Variants in TRPC5 observed in about 807,000 individuals in gnomAD.
TRPC5 encodes transient receptor potential cation channel subfamily C member 5.
Under a neutral mutation model 56.5 loss-of-function variants are expected in TRPC5, and 9 were observed. The observed-to-expected ratio is 0.16, with a 90% confidence interval of 0.10 to 0.28. The LOEUF (loss-of-function observed/expected upper bound fraction) is 0.28. TRPC5 is among the 10% of genes least tolerant of loss of function. The probability of loss-of-function intolerance (pLI) is 1.00; values close to 1 mark genes in which losing one functional copy is unlikely to be tolerated. For synonymous variants in TRPC5, 282 were observed against 278.5 expected, an observed-to-expected ratio of 1.01 and a Z score of -0.13; for missense variants, 469 against 748.9, an observed-to-expected ratio of 0.63 and a Z score of 4.36.
chrX:112,018,618 G>C (rs1195681021), intron 1 of TRPC5, among the ~76,000 whole-genome samples: 1 of 112,697 alleles, frequency 8.9e-6, no homozygotes, highest in Non-Finnish European at 1.9e-5. Context: ...GCCAGGCCTT[G>C]ATGGTTAAAA....
intron 2 of TRPC5, among the ~76,000 whole-genome samples, chrX:111,924,354 T>C (rs1926202202): frequency 1.8e-5 from 2 of 109,793 alleles, no homozygotes; most frequent in South Asian, 4.0e-4. Flanking sequence ...GGTCTAAGAG[T>C]GCAAAAGAAA....
At chrX:112,049,901 C>T (rs1026238471) in intron 1 of TRPC5, among the ~76,000 whole-genome samples, 21 of 112,026 alleles carry the variant, frequency 1.9e-4, no homozygotes, top group Non-Finnish European at 3.0e-4. Context: ...CTAGGCTGGG[C>T]GTGGTGGCTC....
At chrX:111,912,834 A>T in intron 2 of TRPC5, 22 bp from the exon 3 acceptor site, 9 of 1,180,141 alleles carry the variant, frequency 7.6e-6, no homozygotes, top group Non-Finnish European at 1.0e-5. Context: ...AAATGAGAAG[A>T]ATAGAAGGGC....
At position 111,768,278 on chromosome X, in the gene TRPC5, C is replaced by T. The variant is rs770166255; in HGVS notation, c.*8035G>A. 3.1e-4 allele frequency among the ~76,000 whole-genome samples: 35 copies of T among 112,060 alleles called. No individual in the cohort carries two copies. The highest frequency in any genetic ancestry group is 1.6e-3 in the Admixed American group (17 of 10,589). ...TATCATTTTAAACTGAAATTTGACA[C>T]ACTTTCTATATGGTGATATGTGGTT... On this transcript the variant is annotated 3_prime_UTR_variant, in exon 11 of 11. Transcript: ENST00000262839.
intron 3 of TRPC5, among the ~76,000 whole-genome samples, chrX:111,855,641 C>T (rs1923204614): frequency 8.9e-6 from 1 of 112,319 alleles, no homozygotes; most frequent in Non-Finnish European, 1.9e-5. Flanking sequence ...GTCATTTCCT[C>T]CAAACATGTT....
At position 111,776,867 on chromosome X, in the gene TRPC5, C is replaced by A; in HGVS notation, c.2368G>T (p.Ala790Ser). 8.3e-7 allele frequency: 1 copy of A among 1,211,483 alleles called. No individual in the cohort carries two copies. The highest frequency in any genetic ancestry group is 1.1e-6 in the Non-Finnish European group (1 of 895,414). ...GAGACACTCTTGGATTTGGCCCGAG[C>A]CCCACCACTGCCATCATTATTATCG... is the stretch of plus-strand genomic sequence containing the variant. ...RDDNNDGSGG[A>S]RAKSKSVSFN... Residue 790 changes from alanine (A) to serine (S), a missense_variant, in exon 11 of 11, where the codon GCT becomes TCT. Physicochemically the swap from Ala to Ser is moderately conservative, Grantham distance 99. Around this residue, in one of 3 missense-constraint regions of TRPC5, gnomAD observed 194 missense variants for 221.8 expected, o/e 0.87. Transcript: ENST00000262839.
In TRPC5 at chrX:111,877,327, A is replaced by G. The variant is rs754896942; in HGVS notation, c.901-23221T>C. Among the ~76,000 whole-genome samples the G allele has an allele frequency of 5.3e-5, 6 of 112,159 alleles. No homozygotes were observed. In the East Asian group the frequency reaches 1.7e-3, roughly 31 times the overall value. ...AGAAGGAGGATATCTCTGCTACAAA[A>G]TGATGGAGAGGAATTAGGAGCTCAT... On this transcript the variant is annotated intron_variant, in intron 3 of 10. Coordinates refer to ENST00000262839, the MANE Select transcript of TRPC5 (RefSeq NM_012471.3).
intron 1 of TRPC5, among the ~76,000 whole-genome samples, chrX:111,955,243 A>T (rs1245299596): frequency 8.9e-6 from 1 of 112,361 alleles, no homozygotes; most frequent in East Asian, 2.8e-4. Flanking sequence ...CCTCTTTAGA[A>T]AAAATAAATC....
chrX:111,914,050 A>G (rs1925904295), intron 2 of TRPC5, among the ~76,000 whole-genome samples: 1 of 109,944 alleles, frequency 9.1e-6, no homozygotes, highest in Non-Finnish European at 1.9e-5. Context: ...CTCACAGAAG[A>G]GTTTAAGTGT....
At chrX:111,928,487 T>C (rs969174406) in intron 2 of TRPC5, among the ~76,000 whole-genome samples, 2 of 112,314 alleles carry the variant, frequency 1.8e-5, no homozygotes, top group Non-Finnish European at 3.8e-5. Flanking sequence ...ATCCCATAAT[T>C]TCTCTCTCTC....
intron 1 of TRPC5, among the ~76,000 whole-genome samples, chrX:111,960,930 A>C (rs775858520): frequency 8.6e-4 from 95 of 110,563 alleles, no homozygotes; most frequent in African/African-American, 2.8e-3. Context: ...TTCTGCCTCA[A>C]CCTCCCGAGT....
intron 2 of TRPC5, among the ~76,000 whole-genome samples, chrX:111,931,272 AG>A (rs1926406848): frequency 8.9e-6 from 1 of 112,303 alleles, no homozygotes; most frequent in Non-Finnish European, 1.9e-5. Flanking sequence ...AGTGGGAAAT[AG>A]GGGATGATTT....
chrX:111,877,239 T>A (rs1408658513), intron 3 of TRPC5, among the ~76,000 whole-genome samples: 1 of 111,653 alleles, frequency 9.0e-6, no homozygotes, highest in East Asian at 2.8e-4. Flanking sequence ...GAGATAAAAT[T>A]GACAATATCT....
chrX:112,020,015 A>G (rs944128411), intron 1 of TRPC5, among the ~76,000 whole-genome samples: 3 of 112,082 alleles, frequency 2.7e-5, no homozygotes, highest in Non-Finnish European at 5.6e-5. Context: ...TACTTTGTAT[A>G]TAACATTGGA....
chrX:112,011,207 A>G (rs1365839322), intron 1 of TRPC5, among the ~76,000 whole-genome samples: 2 of 111,160 alleles, frequency 1.8e-5, no homozygotes, highest in African/African-American at 6.6e-5. Flanking sequence ...TTCTCCTTAT[A>G]TGTAGTGGAC....
chrX:112,030,389 C>T (rs769138582), intron 1 of TRPC5, among the ~76,000 whole-genome samples: 8 of 112,275 alleles, frequency 7.1e-5, no homozygotes, highest in African/African-American at 2.6e-4. Context: ...GGAATTTGAA[C>T]CAACATCTTT....
intron 1 of TRPC5, among the ~76,000 whole-genome samples, chrX:112,066,307 C>T (rs1930582418): frequency 9.0e-6 from 1 of 111,050 alleles, no homozygotes; most frequent in African/African-American, 3.3e-5. Flanking sequence ...ATTGAATACT[C>T]ATGAAATCTA....
intron 2 of TRPC5, among the ~76,000 whole-genome samples, chrX:111,950,303 T>C (rs1304438491): frequency 4.7e-5 from 5 of 107,343 alleles, no homozygotes; most frequent in Non-Finnish European, 9.6e-5. Context: ...CCAGCCTGGG[T>C]GACAGAGTGA....
At position 111,776,785 on chromosome X, in the gene TRPC5, A is replaced by G; in HGVS notation, c.2450T>C (p.Met817Thr). The G allele has an allele frequency of 1.7e-6, 2 of 1,208,539 alleles. No individual in the cohort carries two copies. The highest frequency in any genetic ancestry group is 1.1e-6 in the Non-Finnish European group (1 of 893,929). ...TCHGPPLIRTMPRSSGAQGKS... is the reference protein window; with the variant it reads ...TCHGPPLIRTTPRSSGAQGKS... ...TCCTTGGGCACCACTGGACCTTGGC[A>G]TGGTTCTGATGAGAGGTGGCCCATG... Residue 817 changes from methionine (M) to threonine (T), a missense_variant, in exon 11 of 11, where the codon ATG (methionine) becomes ACG (threonine). Coordinates refer to ENST00000262839, the MANE Select transcript of TRPC5 (RefSeq NM_012471.3).
Sources: gnomAD v4.1 joint callset for allele counts (sites outside exome capture counted in the v4.1 genomes callset) on GRCh38, gnomAD v4.1.1 for gene constraint, gnomAD v4.1.1 regional missense constraint, MANE v1.5 for transcripts, NCBI Gene and HGNC (gene_info 2026-07-23, HGNC 2026-07-21) for gene names.